MARCO: variants seen among roughly 807,000 people sequenced by gnomAD.
MARCO encodes macrophage receptor with collagenous structure.
Under a neutral mutation model 70.0 loss-of-function variants are expected in MARCO, and 72 were observed. The ratio of observed to expected loss-of-function variants is 1.03; its 90% CI spans 0.85 to 1.25. MARCO has a LOEUF of 1.25. Among genes scored for constraint, MARCO ranks in the 50% most tolerant of loss-of-function variants. The pLI is 0.00. For missense variants in MARCO, 696 were observed against 659.3 expected (o/e 1.06, Z -0.61); for synonymous variants, 273 against 243.1 (o/e 1.12, Z -1.14).
rs563506526 is a variant in MARCO, at chr2:118,971,220, G to T, written c.425-279G>T. Among the ~76,000 whole-genome samples the T allele has an allele frequency of 3.3e-5, 5 of 152,210 alleles. No homozygotes were observed. The East Asian group carries it at 9.7e-4, about 29-fold the overall frequency. On this transcript the variant is annotated intron_variant, in intron 3 of 16. Coordinates refer to ENST00000327097, the MANE Select transcript of MARCO (RefSeq NM_006770.4). ...GAAGGGGTTCTACCTCCTCAGGCTGGTTTGAAGCAACCTCCTTTCCCCACC... is the reference window on the plus strand; with the variant it reads ...GAAGGGGTTCTACCTCCTCAGGCTGTTTTGAAGCAACCTCCTTTCCCCACC...
intron 12 of MARCO, among the ~76,000 whole-genome samples, chr2:118,990,303 G>A (rs1680596225): frequency 1.3e-5 from 2 of 152,110 alleles, no homozygotes; most frequent in African/African-American, 4.8e-5. Context: ...TAGATGCCAG[G>A]TCAGGTTACC....
At chr2:118,980,772 C>T (rs193221399) in intron 8 of MARCO, among the ~76,000 whole-genome samples, 4 of 152,256 alleles carry the variant, frequency 2.6e-5, no homozygotes, top group African/African-American at 9.6e-5. Flanking sequence ...CAGTCCACCC[C>T]TAAACCAAAG....
rs765851005 is a variant in MARCO at position 118,971,600 on chromosome 2, G to C, written c.460+66G>C. ...AAAACCTCCCCAAAAGGGCCCCTTGGCCTGTGCCATTCTGGGTCTGGACAG... is the reference window on the plus strand; with the variant it reads ...AAAACCTCCCCAAAAGGGCCCCTTGCCCTGTGCCATTCTGGGTCTGGACAG... On this transcript the variant is annotated intron_variant, in intron 4 of 16. Transcript: ENST00000327097. 10 of 1,554,254 alleles carry C rather than the reference G, an allele frequency of 6.4e-6. No individual in the cohort carries two copies. In the South Asian group the frequency reaches 1.1e-4, roughly 17 times the overall value.
intron 1 of MARCO, among the ~76,000 whole-genome samples, chr2:118,953,553 A>G (rs1679769102): frequency 6.6e-6 from 1 of 152,174 alleles, no homozygotes; most frequent in East Asian, 1.9e-4. Flanking sequence ...GGTGGGGGGA[A>G]CGATGGTGGA....
intron 1 of MARCO, among the ~76,000 whole-genome samples, chr2:118,959,169 G>A (rs1377938189): frequency 6.6e-6 from 1 of 152,128 alleles, no homozygotes; most frequent in African/African-American, 2.4e-5. Flanking sequence ...CTTTTGCACG[G>A]CAAAAGGAAC....
intron 1 of MARCO, among the ~76,000 whole-genome samples, chr2:118,948,589 C>T (rs1679648881): frequency 6.6e-6 from 1 of 152,208 alleles, no homozygotes; most frequent in South Asian, 2.1e-4. Flanking sequence ...CCAACACTCA[C>T]AATTTATTCT....
intron 12 of MARCO, among the ~76,000 whole-genome samples, chr2:118,982,868 A>C (rs952493069): frequency 2.0e-5 from 3 of 149,780 alleles, no homozygotes; most frequent in Admixed American, 6.6e-5. Context: ...AGACTAGTTT[A>C]TACCATAATG....
chr2:118,956,093 A>C (rs1399134738), intron 1 of MARCO, among the ~76,000 whole-genome samples: 3 of 152,184 alleles, frequency 2.0e-5, no homozygotes, highest in Non-Finnish European at 4.4e-5. Flanking sequence ...AAAATGAAAC[A>C]AAGTACAGGC....
chr2:118,948,492 A>C (rs760007165), intron 1 of MARCO, among the ~76,000 whole-genome samples: 3 of 152,236 alleles, frequency 2.0e-5, no homozygotes, highest in Non-Finnish European at 4.4e-5. Flanking sequence ...CATGTTCAGC[A>C]GTTACATAGG....
At chr2:118,946,088 T>C (rs1679593129) in intron 1 of MARCO, among the ~76,000 whole-genome samples, 1 of 152,230 alleles carries the variant, frequency 6.6e-6, no homozygotes, top group Non-Finnish European at 1.5e-5. Flanking sequence ...TAACTTTTTA[T>C]GGTGAAGTAG....
Position 118,991,812 on chromosome 2 carries a change from GGGCT to G in MARCO, c.1148_1151del (p.Leu383GlnfsTer18). On this transcript the variant is annotated frameshift_variant, in exon 14 of 17. Transcript: ENST00000327097. LOFTEE classifies it high-confidence loss of function. ...TGTGAAGGGAGAACAGGGGAGCCCAGGGCTGGCAGGTCCCAAGGGAGCCCCTGGA... is the reference window on the plus strand; with the variant it reads ...TGTGAAGGGAGAACAGGGGAGCCCAGGGCAGGTCCCAAGGGAGCCCCTGGA... 1.3e-6 allele frequency: 2 copies of G among 1,599,236 alleles called. No homozygotes were observed. The highest frequency in any genetic ancestry group is 1.7e-6 in the Non-Finnish European group (2 of 1,174,182).
At chr2:118,960,823 C>A (rs989606990) in intron 1 of MARCO, among the ~76,000 whole-genome samples, 1 of 152,034 alleles carries the variant, frequency 6.6e-6, no homozygotes, top group Non-Finnish European at 1.5e-5. Context: ...GTTTGCTGCA[C>A]CCGTCAACCC....
intron 8 of MARCO, among the ~76,000 whole-genome samples, chr2:118,981,052 C>A (rs1680378587): frequency 6.6e-6 from 1 of 152,164 alleles, no homozygotes; most frequent in Admixed American, 6.5e-5. Context: ...TTTCGGAATA[C>A]TCAGGTTTCA....
At chr2:118,977,620 T>C (rs558950314) in intron 7 of MARCO, 105 bp downstream of exon 7, 2 of 466,212 alleles carry the variant, frequency 4.3e-6, no homozygotes, top group Non-Finnish European at 6.2e-6. Context: ...CCCCAGCCCC[T>C]GACAGTTACT....
At chr2:118,979,762 T>C (rs1680354666) in intron 8 of MARCO, among the ~76,000 whole-genome samples, 1 of 151,608 alleles carries the variant, frequency 6.6e-6, no homozygotes, top group African/African-American at 2.4e-5. Context: ...GATCATGAGG[T>C]CTCTCTTACC....
chr2:118,985,341 T>C (rs954487187), intron 12 of MARCO, among the ~76,000 whole-genome samples: 2 of 152,084 alleles, frequency 1.3e-5, no homozygotes, highest in African/African-American at 4.8e-5. Context: ...CCTCCATAAA[T>C]GGGTAAATCC....
At chr2:118,966,666 G>T (rs567430542) in intron 1 of MARCO, among the ~76,000 whole-genome samples, 16 of 152,140 alleles carry the variant, frequency 1.1e-4, no homozygotes, top group African/African-American at 3.6e-4. Context: ...CTTCCACCAC[G>T]CTCTGACCAT....
At chr2:118,982,510 G>A in intron 12 of MARCO, 100 bp downstream of exon 12, 2 of 1,158,022 alleles carry the variant, frequency 1.7e-6, no homozygotes, top group South Asian at 2.5e-5. Context: ...GAGGCAGAGG[G>A]TCTTCTGTGC....
At chr2:118,957,224 TTG>T (rs1679853489) in intron 1 of MARCO, among the ~76,000 whole-genome samples, 1 of 151,388 alleles carries the variant, frequency 6.6e-6, no homozygotes, top group Non-Finnish European at 1.5e-5. Context: ...ATAAACAAAA[TTG>T]ATAGACCGTT....
Sources: allele counts gnomAD v4.1 joint callset (sites outside exome capture counted in the v4.1 genomes callset), GRCh38; gene constraint gnomAD v4.1.1; transcripts MANE v1.5; gene names NCBI Gene and HGNC (gene_info 2026-07-23, HGNC 2026-07-21).